Variants in UBXN2B observed in about 807,000 individuals in gnomAD.
UBXN2B encodes the protein UBX domain-containing protein 2B.
In UBXN2B, 19 loss-of-function variants were observed where a neutral mutation model predicts 37.5. The ratio of observed to expected loss-of-function variants is 0.51; its 90% CI spans 0.35 to 0.74. The LOEUF (loss-of-function observed/expected upper bound fraction) is 0.74, where lower values mean the gene tolerates loss of function less well. UBXN2B is among the 30% of genes least tolerant of loss of function. UBXN2B has a pLI of 0.01. For synonymous variants in UBXN2B, 145 were observed against 143.8 expected (o/e 1.01, Z -0.06); for missense variants, 370 against 393.2 (o/e 0.94, Z 0.50).
At chr8:58,438,294 A>C (rs918131529) in intron 5 of UBXN2B, among the ~76,000 whole-genome samples, 19 of 152,170 alleles carry the variant, frequency 1.2e-4, no homozygotes, top group African/African-American at 4.3e-4. Context: ...CAGAGTCCCC[A>C]CTGGTGCACT....
At chr8:58,425,496 T>A (rs1808058699) in intron 2 of UBXN2B, 4 of 1,118,334 alleles carry the variant, frequency 3.6e-6, no homozygotes, top group South Asian at 1.2e-5. Context: ...CACCATCGTG[T>A]AGGACAACCC....
chr8:58,432,493 C>T (rs1240179580), intron 3 of UBXN2B, among the ~76,000 whole-genome samples: 2 of 147,678 alleles, frequency 1.4e-5, no homozygotes, highest in African/African-American at 5.0e-5. Flanking sequence ...CACCATTCTC[C>T]TGCCTCAGCC....
chr8:58,431,563 T>C (rs1808277613), intron 3 of UBXN2B, among the ~76,000 whole-genome samples: 1 of 152,234 alleles, frequency 6.6e-6, no homozygotes, highest in Non-Finnish European at 1.5e-5. Flanking sequence ...CTTATGGTTT[T>C]ATTTCTCTGA....
chr8:58,430,763 A>G (rs1808251338), intron 3 of UBXN2B, 94 bp downstream of exon 3: 8 of 991,500 alleles, frequency 8.1e-6, no homozygotes, highest in South Asian at 4.8e-5. Context: ...TTCTAATTGT[A>G]TATTTCTGTT....
chr8:58,412,523 A>C (rs973144718), intron 1 of UBXN2B, among the ~76,000 whole-genome samples: 24 of 152,252 alleles, frequency 1.6e-4, no homozygotes, highest in African/African-American at 5.5e-4. Context: ...TGGAGAGATC[A>C]GTGTAACATT....
intron 6 of UBXN2B, among the ~76,000 whole-genome samples, chr8:58,440,608 C>T (rs1807621274): frequency 6.6e-6 from 1 of 152,196 alleles, no homozygotes. Context: ...TTACCCTCTA[C>T]TCGTCCACAT....
chr8:58,418,074 C>G (rs1807830636), intron 2 of UBXN2B, among the ~76,000 whole-genome samples: 1 of 152,024 alleles, frequency 6.6e-6, no homozygotes, highest in South Asian at 2.1e-4. Flanking sequence ...AACCCCATCT[C>G]TCCTAAAAAT....
intron 5 of UBXN2B, 36 bp downstream of exon 5, chr8:58,434,540 G>T (rs1400037850): frequency 1.4e-6 from 2 of 1,420,832 alleles, no homozygotes; most frequent in East Asian, 2.4e-5. Context: ...TTGTTATGTA[G>T]AGTGGGACTT....
At chr8:58,412,899 C>T (rs1020389370) in intron 1 of UBXN2B, among the ~76,000 whole-genome samples, 1 of 152,178 alleles carries the variant, frequency 6.6e-6, no homozygotes, top group African/African-American at 2.4e-5. Context: ...ATTCCTTTTT[C>T]CTCAGGAGAA....
intron 2 of UBXN2B, among the ~76,000 whole-genome samples, chr8:58,418,095 G>T (rs1450201897): frequency 1.3e-5 from 2 of 152,042 alleles, no homozygotes; most frequent in African/African-American, 4.8e-5. Flanking sequence ...ACAGAAATTA[G>T]CTGGGCATGG....
intron 6 of UBXN2B, among the ~76,000 whole-genome samples, chr8:58,445,216 G>A (rs1457847539): frequency 6.6e-6 from 1 of 152,172 alleles, no homozygotes; most frequent in African/African-American, 2.4e-5. Context: ...AGACAGCAAT[G>A]CCAGGGTCAC....
intron 5 of UBXN2B, among the ~76,000 whole-genome samples, chr8:58,439,402 T>G (rs1301993057): frequency 6.6e-6 from 1 of 152,202 alleles, no homozygotes; most frequent in Non-Finnish European, 1.5e-5. Flanking sequence ...CTCTCCAAGA[T>G]AATTGTGACA....
chr8:58,434,827 A>G, intron 5 of UBXN2B: 3 of 1,535,342 alleles, frequency 2.0e-6, no homozygotes, highest in East Asian at 4.9e-5. Context: ...CTGCCCACCC[A>G]CTAAGCCACT....
At chr8:58,425,878 GCCGTTATTGTTCTC>G in intron 2 of UBXN2B, 2 of 1,159,540 alleles carry the variant, frequency 1.7e-6, no homozygotes, top group South Asian at 1.2e-5. Context: ...CTTTAGACTT[GCCGTTATTGTTCTC>G]CCCTTTGTCA....
At chr8:58,441,073 G>T (rs1189002917) in intron 6 of UBXN2B, among the ~76,000 whole-genome samples, 1 of 151,230 alleles carries the variant, frequency 6.6e-6, no homozygotes, top group African/African-American at 2.4e-5. Flanking sequence ...GTTCACTGCA[G>T]CCTTGACCTC....
rs537463786 is a variant in UBXN2B at position 58,449,749 on chromosome 8, T to C, written c.*2198T>C. 1 of 152,376 alleles carries C rather than the reference T, an allele frequency of 6.6e-6. No individual in the cohort carries two copies. The highest frequency in any genetic ancestry group is 1.5e-5 in the Non-Finnish European group (1 of 68,044). 9.4% of individuals were successfully genotyped at this position (152,376 alleles called of 1,614,324 possible). On this transcript the variant is annotated 3_prime_UTR_variant, in exon 8 of 8. Transcript: ENST00000399598. Reference sequence around the variant, plus strand: ...ACTGCTGTTCTCTGGGCTTGTTGACTGTCTCAGAGTCATCTTTACTTTTTC... The same window carrying C: ...ACTGCTGTTCTCTGGGCTTGTTGACCGTCTCAGAGTCATCTTTACTTTTTC...
At chr8:58,446,206 G>A in intron 7 of UBXN2B, 138 bp downstream of exon 7, 1 of 908,444 alleles carries the variant, frequency 1.1e-6, no homozygotes, top group Non-Finnish European at 1.5e-6. Flanking sequence ...TTTGACAGAA[G>A]AAACATTTTT....
chr8:58,433,086 A>G (rs1808323425), intron 3 of UBXN2B, 74 bp from the exon 4 acceptor site: 1 of 1,253,356 alleles, frequency 8.0e-7, no homozygotes, highest in Admixed American at 1.9e-5. Context: ...ATCTAGTTTT[A>G]AAATACATAT....
chr8:58,425,791 A>C, intron 2 of UBXN2B: 3 of 1,177,652 alleles, frequency 2.5e-6, no homozygotes, highest in South Asian at 2.4e-5. Context: ...GTTCCACAAG[A>C]TCTGTCAAAG....
Sources: allele counts gnomAD v4.1 joint callset (sites outside exome capture counted in the v4.1 genomes callset), GRCh38; gene constraint gnomAD v4.1.1; transcripts MANE v1.5; gene names NCBI Gene and HGNC (gene_info 2026-07-23, HGNC 2026-07-21).